The following DAPK1 variants were observed in gnomAD, a reference collection of about 807,000 sequenced individuals.
The protein encoded by DAPK1 is death-associated protein kinase 1.
A neutral mutation model predicts 144.9 loss-of-function variants in DAPK1; 56 were observed. The ratio of observed to expected loss-of-function variants is 0.39; its 90% CI spans 0.31 to 0.48. The LOEUF is 0.48. Among genes scored for constraint, DAPK1 ranks in the 20% least tolerant of loss-of-function variants. The probability of loss-of-function intolerance (pLI) is 0.95; values close to 1 mark genes in which losing one functional copy is unlikely to be tolerated. For synonymous variants in DAPK1, 690 were observed against 749.0 expected (o/e 0.92, Z 1.29); for missense variants, 1,454 against 1,875.4 (o/e 0.78, Z 4.15).
At chr9:87,697,337 C>G in intron 22 of DAPK1, 133 bp downstream of exon 22, 1 of 630,458 alleles carries the variant, frequency 1.6e-6, no homozygotes, top group Non-Finnish European at 2.9e-6. Context: ...CAGATCCCAC[C>G]GTTTGTGGCT....
At chr9:87,531,633 C>T (rs1319947030) in intron 2 of DAPK1, among the ~76,000 whole-genome samples, 1 of 152,142 alleles carries the variant, frequency 6.6e-6, no homozygotes, top group East Asian at 1.9e-4. Flanking sequence ...AAAAACAGTC[C>T]TCTCCCCAGT....
chr9:87,695,635 C>T (rs1483204329), intron 21 of DAPK1, among the ~76,000 whole-genome samples: 1 of 152,200 alleles, frequency 6.6e-6, no homozygotes, highest in African/African-American at 2.4e-5. Context: ...GACCCCACCT[C>T]CTCCCAGATC....
chr9:87,652,012 C>T (rs1214229391), intron 17 of DAPK1, among the ~76,000 whole-genome samples: 7 of 136,568 alleles, frequency 5.1e-5, no homozygotes, highest in East Asian at 2.3e-4. Context: ...CACCTGATCC[C>T]GGGTCCTGAT....
At position 87,604,994 on chromosome 9, in the gene DAPK1, A is replaced by C; in HGVS notation, c.103A>C (p.Thr35Pro). Residue 35 changes from threonine to proline, a missense_variant, in exon 3 of 26, where the codon ACC becomes CCC. Transcript: ENST00000408954. ...TGTGAAGAAATGCCGTGAGAAAAGC[A>C]CCGGCCTCCAGTATGCCGCCAAATT... ...AVVKKCREKS[T>P]GLQYAAKFIK... 1.9e-6 allele frequency: 3 copies of C among 1,614,146 alleles called. No homozygotes were observed. The highest frequency in any genetic ancestry group is 2.5e-6 in the Non-Finnish European group (3 of 1,180,014).
rs565238949 is a variant in DAPK1 at position 87,669,996 on chromosome 9, A to G, written c.2001+1322A>G. On this transcript the variant is annotated intron_variant, in intron 19 of 25. Coordinates refer to ENST00000408954, the MANE Select transcript of DAPK1 (RefSeq NM_004938.4). Reference sequence around the variant, plus strand: ...CGATTCAGTCTCCCCTTTGTCCTGGAAAGTCCAGAAAGAGACAAGTCAGGT... The same window carrying G: ...CGATTCAGTCTCCCCTTTGTCCTGGGAAGTCCAGAAAGAGACAAGTCAGGT... Among the ~76,000 whole-genome samples the G allele has an allele frequency of 2.6e-5, 4 of 152,172 alleles. No homozygotes were observed. In the East Asian group the frequency reaches 5.8e-4, roughly 22 times the overall value.
chr9:87,526,368 G>A (rs577689631), intron 2 of DAPK1, among the ~76,000 whole-genome samples: 1 of 152,290 alleles, frequency 6.6e-6, no homozygotes, highest in African/African-American at 2.4e-5. Context: ...TTCTGTTCTT[G>A]CAGTGTCTCC....
chr9:87,563,169 C>T (rs188450404), intron 2 of DAPK1, among the ~76,000 whole-genome samples: 3 of 152,284 alleles, frequency 2.0e-5, no homozygotes, highest in South Asian at 2.1e-4. Flanking sequence ...CTGTACCTTC[C>T]GGCATTCTTT....
chr9:87,637,869 A>G, intron 3 of DAPK1, 74 bp from the exon 4 acceptor site: 1 of 1,514,334 alleles, frequency 6.6e-7, no homozygotes, highest in South Asian at 1.2e-5. Flanking sequence ...GTTTGAGCGC[A>G]CCAATAGTCT....
intron 2 of DAPK1, among the ~76,000 whole-genome samples, chr9:87,556,455 A>G (rs1304964203): frequency 6.6e-6 from 1 of 152,320 alleles, no homozygotes. Context: ...TCTTTGAATC[A>G]TGGATTTATT....
At chr9:87,517,149 GC>G (rs1399875144) in intron 2 of DAPK1, among the ~76,000 whole-genome samples, 2 of 152,114 alleles carry the variant, frequency 1.3e-5, no homozygotes, top group African/African-American at 4.8e-5. Flanking sequence ...GCGATTGGGG[GC>G]AGGGGAGGAC....
At position 87,706,958 on chromosome 9, in the gene DAPK1, T is replaced by C. The variant is rs773534718; in HGVS notation, c.3887T>C (p.Leu1296Pro). The C allele has an allele frequency of 6.2e-7, 1 of 1,613,228 alleles. No individual in the cohort carries two copies. The highest frequency in any genetic ancestry group is 8.5e-7 in the Non-Finnish European group (1 of 1,179,636). ...CACGACGTCTACTCACAGGCCAGCC[T>C]CGGCATGGACATCCATGCATCAGAC... ...GCHDVYSQAS[L>P]GMDIHASDLN... The change falls in exon 26 of 26, where the codon CTC becomes CCC. Residue 1296 changes from leucine (L) to proline (P), a missense_variant. This residue lies in a region of DAPK1 where 1,025 missense variants were observed against 1,237.9 expected (regional missense o/e 0.83). Transcript: ENST00000408954. The surrounding 1 kb of genome is among the most constrained non-coding windows in gnomAD (Gnocchi z 9.0).
At chr9:87,507,245 T>C (rs1824637055) in intron 2 of DAPK1, among the ~76,000 whole-genome samples, 1 of 152,162 alleles carries the variant, frequency 6.6e-6, no homozygotes, top group South Asian at 2.1e-4. Flanking sequence ...GGAATTTCGC[T>C]CTTGTTGCCC....
At chr9:87,631,854 T>G (rs1435914688) in intron 3 of DAPK1, among the ~76,000 whole-genome samples, 3 of 152,208 alleles carry the variant, frequency 2.0e-5, no homozygotes, top group Admixed American at 6.5e-5. Context: ...CTTATCATGC[T>G]CCCAAACATT....
At chr9:87,675,919 C>G (rs1424543215) in intron 19 of DAPK1, among the ~76,000 whole-genome samples, 1 of 144,478 alleles carries the variant, frequency 6.9e-6, no homozygotes, top group Admixed American at 7.0e-5. Flanking sequence ...CTGGAAGGTT[C>G]TGAGTCAGAA....
chr9:87,597,497 C>T (rs1383956040), intron 2 of DAPK1, among the ~76,000 whole-genome samples: 1 of 152,144 alleles, frequency 6.6e-6, no homozygotes, highest in Non-Finnish European at 1.5e-5. Flanking sequence ...TTTTCAGCTC[C>T]TGAAATCCTG....
chr9:87,627,078 C>T (rs942239114), intron 3 of DAPK1, among the ~76,000 whole-genome samples: 5 of 152,052 alleles, frequency 3.3e-5, no homozygotes, highest in African/African-American at 1.2e-4. Flanking sequence ...CAGTTATTTC[C>T]AAACAGAACA....
chr9:87,609,556 A>G (rs958419574), intron 3 of DAPK1, among the ~76,000 whole-genome samples: 1 of 152,180 alleles, frequency 6.6e-6, no homozygotes, highest in East Asian at 1.9e-4. Context: ...ACTATTGAAA[A>G]TATTAAATCT....
chr9:87,551,598 G>C (rs1308798748), intron 2 of DAPK1, among the ~76,000 whole-genome samples: 2 of 152,204 alleles, frequency 1.3e-5, no homozygotes, highest in African/African-American at 4.8e-5. Context: ...GTGGATGAAG[G>C]ACAGGACAGC....
intron 20 of DAPK1, among the ~76,000 whole-genome samples, chr9:87,685,154 A>G (rs1327851772): frequency 6.6e-6 from 1 of 152,176 alleles, no homozygotes; most frequent in Non-Finnish European, 1.5e-5. Context: ...TTTGTTTTCT[A>G]TTTACATTCC....
Sources: gnomAD v4.1 joint callset for allele counts (sites outside exome capture counted in the v4.1 genomes callset) on GRCh38, gnomAD v4.1.1 for gene constraint, gnomAD v4.1.1 regional missense constraint, Gnocchi (gnomAD v3.1) non-coding constraint, MANE v1.5 for transcripts, NCBI Gene and HGNC (gene_info 2026-07-23, HGNC 2026-07-21) for gene names.